TMEM245: variants seen among roughly 807,000 people sequenced by gnomAD.
TMEM245 encodes the protein transmembrane protein 245.
TMEM245 carries 69 observed loss-of-function variants against 101.2 expected under a neutral mutation model. That is an observed-to-expected ratio of 0.68 (90% CI 0.56 to 0.83). The LOEUF (loss-of-function observed/expected upper bound fraction) is 0.83, where lower values mean the gene tolerates loss of function less well. Among genes scored for constraint, TMEM245 ranks in the 40% least tolerant of loss-of-function variants. TMEM245 has a pLI of 0.00. For synonymous variants in TMEM245, 537 were observed against 449.8 expected, an observed-to-expected ratio of 1.19 and a Z score of -2.45; for missense variants, 1,075 against 1,092.8, an observed-to-expected ratio of 0.98 and a Z score of 0.23.
chr9:109,029,087 T>C (rs985076622), intron 17 of TMEM245, among the ~76,000 whole-genome samples: 1 of 151,528 alleles, frequency 6.6e-6, no homozygotes, highest in African/African-American at 2.4e-5. Context: ...TAAAGGAAAC[T>C]GAAAAAAATG....
rs1270688581 is a variant in TMEM245 at position 109,083,252 on chromosome 9, G to A, written c.1345-2309C>T. ...GACTGAATAGAAAAAGACTCACAAA[G>A]AAACAGCAACTCGGAGAGATAGGAA... is the stretch of plus-strand genomic sequence containing the variant. On this transcript the variant is annotated intron_variant, in intron 7 of 17. Coordinates refer to ENST00000374586, the MANE Select transcript of TMEM245 (RefSeq NM_032012.4). Among the ~76,000 whole-genome samples, 3 of 152,260 alleles carry A rather than the reference G, an allele frequency of 2.0e-5. No homozygotes were observed. The East Asian group carries it at 5.8e-4, about 29-fold the overall frequency.
At chr9:109,024,763 T>C (rs970839888) in intron 17 of TMEM245, among the ~76,000 whole-genome samples, 1 of 151,922 alleles carries the variant, frequency 6.6e-6, no homozygotes, top group Non-Finnish European at 1.5e-5. Context: ...AGCTGAAAAA[T>C]AAAATGCAAG....
chr9:109,080,889 A>G lies in TMEM245; in HGVS notation c.1399T>C (p.Phe467Leu), dbSNP rs1353006465. ...AGAAGAGTTCCTATCACTAACAAAA[A>G]TATGATGAAAATGCTAATTATTTTA... is the stretch of plus-strand genomic sequence containing the variant. ...LDKIISIFII[F>L]LLVIGTLLLA... Residue 467 changes from phenylalanine to leucine, a missense_variant, in exon 8 of 18, where the codon TTT becomes CTT. Transcript: ENST00000374586. The G allele has an allele frequency of 6.2e-7, 1 of 1,611,094 alleles. No individual in the cohort carries two copies. The highest frequency in any genetic ancestry group is 1.7e-5 in the Admixed American group (1 of 59,870).
At chr9:109,072,785 T>C (rs1343694866) in intron 9 of TMEM245, among the ~76,000 whole-genome samples, 1 of 152,204 alleles carries the variant, frequency 6.6e-6, no homozygotes, top group African/African-American at 2.4e-5. Flanking sequence ...GCAGGAGAAC[T>C]GCTTGAGCCC....
rs1251353331 is a variant in TMEM245, at chr9:109,020,038, GA to G, written c.*421del. ...TCTTCCTTGAAAAGTGACTGTCTTA[GA>G]AAAGTTTAACAATACATTTCTTAAA... On this transcript the variant is annotated 3_prime_UTR_variant, in exon 18 of 18. Coordinates refer to ENST00000374586, the MANE Select transcript of TMEM245 (RefSeq NM_032012.4). 1.9e-5 allele frequency: 3 copies of G among 154,552 alleles called. No homozygotes were observed. The highest frequency in any genetic ancestry group is 4.3e-5 in the Non-Finnish European group (3 of 69,720). 9.6% of individuals were successfully genotyped at this position (154,552 alleles called of 1,614,324 possible). A position where few individuals can be genotyped will look rare whatever the true frequency, so the allele number is the denominator to read the frequency against.
chr9:109,094,010 G>T (rs1830074853), intron 3 of TMEM245, among the ~76,000 whole-genome samples: 2 of 152,144 alleles, frequency 1.3e-5, no homozygotes, highest in Non-Finnish European at 2.9e-5. Context: ...CACAATTGGT[G>T]GTCATAACAA....
At chr9:109,061,875 C>T (rs1829024476) in intron 10 of TMEM245, among the ~76,000 whole-genome samples, 2 of 150,190 alleles carry the variant, frequency 1.3e-5, no homozygotes, top group Admixed American at 1.3e-4. Flanking sequence ...ACCCATGAAT[C>T]CTAATTTTTA....
At position 109,073,437 on chromosome 9, in the gene TMEM245, A is replaced by G. The variant is rs763056821; in HGVS notation, c.1451T>C (p.Val484Ala). 2 of 1,599,866 alleles carry G rather than the reference A, an allele frequency of 1.3e-6. No homozygotes were observed. The highest frequency in any genetic ancestry group is 1.7e-6 in the Non-Finnish European group (2 of 1,170,242). ...AATCATGTGTACACTCTCTTGATGT[A>G]CCTGTATTACAGATAAAGAAAGAAA... Reference protein sequence around the residue: ...LLLALLLTAKVHQESVHMIEV... With the variant: ...LLLALLLTAKAHQESVHMIEV... Residue 484 changes from valine to alanine, a missense_variant and splice_region_variant, in exon 9 of 18, where the codon GTA becomes GCA. Coordinates refer to ENST00000374586, the MANE Select transcript of TMEM245 (RefSeq NM_032012.4).
chr9:109,036,021 A>G, intron 16 of TMEM245, 185 bp downstream of exon 16: 1 of 336,320 alleles, frequency 3.0e-6, no homozygotes, highest in Non-Finnish European at 5.2e-6. Context: ...CCAAAATATC[A>G]TGCCTTGTAA....
chr9:109,052,807 T>A (rs1279364114), intron 12 of TMEM245, among the ~76,000 whole-genome samples: 2 of 151,924 alleles, frequency 1.3e-5, no homozygotes, highest in Admixed American at 6.6e-5. Flanking sequence ...GGAATTTTTA[T>A]TAAAAAAAAA....
chr9:109,109,436 C>CAA (rs112675103), intron 1 of TMEM245, among the ~76,000 whole-genome samples: 9 of 119,956 alleles, frequency 7.5e-5, no homozygotes, highest in Admixed American at 1.7e-4. Flanking sequence ...TGAACCTTGC[C>CAA]AAAAAAAAAA....
intron 4 of TMEM245, 67 bp from the exon 5 acceptor site, chr9:109,091,222 A>T: frequency 2.9e-6 from 4 of 1,387,944 alleles, no homozygotes; most frequent in African/African-American, 1.4e-5. Flanking sequence ...ATACAGAGCC[A>T]CTCATTAGGC....
chr9:109,034,384 A>G (rs989229818), intron 16 of TMEM245, among the ~76,000 whole-genome samples: 6 of 152,238 alleles, frequency 3.9e-5, no homozygotes, highest in Admixed American at 2.6e-4. Flanking sequence ...CAAAAAAATG[A>G]TTTAGGGCAG....
chr9:109,107,026 G>GA (rs1190024635), intron 2 of TMEM245, among the ~76,000 whole-genome samples: 1 of 152,028 alleles, frequency 6.6e-6, no homozygotes, highest in African/African-American at 2.4e-5. Flanking sequence ...TCTCTCCCAA[G>GA]AAAGAGAATG....
rs145920252 is a variant in TMEM245, at chr9:109,067,031, G to A, written c.1533-2464C>T. ...AGATCATGCCATTGCATTCCAGCCT[G>A]GGCGGCAAGGGCAAGACTCCATCTC... On this transcript the variant is annotated intron_variant, in intron 9 of 17. Transcript: ENST00000374586. Among the ~76,000 whole-genome samples the A allele has an allele frequency of 1.9e-3, 280 of 150,946 alleles. 2 individuals are homozygous for A. Among genetic ancestry groups the A allele is most frequent in the Admixed American group, 6.1e-3 (92 of 15,140 alleles).
At chr9:109,098,515 A>T (rs1221340654) in intron 3 of TMEM245, among the ~76,000 whole-genome samples, 1 of 152,186 alleles carries the variant, frequency 6.6e-6, no homozygotes, top group African/African-American at 2.4e-5. Flanking sequence ...ACCCTTCAGC[A>T]CCTCAAAAAC....
chr9:109,055,143 CTTCA>C (rs1224957280), intron 12 of TMEM245, among the ~76,000 whole-genome samples: 1 of 152,294 alleles, frequency 6.6e-6, no homozygotes, highest in East Asian at 1.9e-4. Flanking sequence ...AACACTGTCA[CTTCA>C]TTCATCAATA....
chr9:109,061,570 T>C (rs1372053521), intron 10 of TMEM245, among the ~76,000 whole-genome samples: 1 of 152,080 alleles, frequency 6.6e-6, no homozygotes, highest in African/African-American at 2.4e-5. Flanking sequence ...ATACAATAAA[T>C]CCTTCTTTTT....
rs569236873 is a variant in TMEM245, at chr9:109,099,408, G to C, written c.800-5817C>G. On this transcript the variant is annotated intron_variant, in intron 3 of 17. Transcript: ENST00000374586. ...AAGGCAACTATCAGGATTCATCTCT[G>C]CAAAGACATTTCTAGTCATTTACAA... 5.0e-4 allele frequency among the ~76,000 whole-genome samples: 76 copies of C among 152,280 alleles called. 1 individual carries two copies. Among genetic ancestry groups the C allele is most frequent in the African/African-American group, 1.8e-3 (73 of 41,560 alleles).
Sources: allele counts gnomAD v4.1 joint callset (sites outside exome capture counted in the v4.1 genomes callset), GRCh38; gene constraint gnomAD v4.1.1; transcripts MANE v1.5; gene names NCBI Gene and HGNC (gene_info 2026-07-23, HGNC 2026-07-21).